HACL1: variants seen among roughly 807,000 people sequenced by gnomAD.
HACL1 encodes the protein 1600020H07Rik.
Under a neutral mutation model 74.2 loss-of-function variants are expected in HACL1, and 64 were observed. That is an observed-to-expected ratio of 0.86 (90% CI 0.70 to 1.06). The LOEUF is 1.06. Ranked by LOEUF, HACL1 falls within the 50% of genes least tolerant of loss-of-function variation. The pLI is 0.00. For synonymous variants in HACL1, 230 were observed against 238.8 expected (o/e 0.96, Z 0.34); for missense variants, 728 against 719.7 (o/e 1.01, Z -0.13).
At position 15,601,412 on chromosome 3, in the gene HACL1, T is replaced by C. The variant is rs751795931; in HGVS notation, c.52A>G (p.Lys18Glu). 6 of 1,614,078 alleles carry C rather than the reference T, an allele frequency of 3.7e-6. No homozygotes were observed. Among genetic ancestry groups the C allele is most frequent in the Admixed American group, 3.3e-5 (2 of 60,036 alleles). Residue 18 changes from lysine to glutamate, a missense_variant, in exon 1 of 17, where the codon AAA (lysine) becomes GAA (glutamate). Coordinates refer to ENST00000321169, the MANE Select transcript of HACL1 (RefSeq NM_012260.4). ...ERSEEQVSGA[K>E]VIAQALKTQD... ...GTTTTCAGGGCCTGAGCGATGACTT[T>C]AGCACCAGACACCTGCTCCTCGCTG...
At chr3:15,568,877 A>G (rs753836408) in intron 12 of HACL1, among the ~76,000 whole-genome samples, 8 of 152,252 alleles carry the variant, frequency 5.3e-5, no homozygotes, top group Non-Finnish European at 8.8e-5. Flanking sequence ...GAAGTCCTAC[A>G]GTAAAGACAG....
At chr3:15,570,510 C>CTT (rs2063508574) in intron 12 of HACL1, among the ~76,000 whole-genome samples, 3 of 151,062 alleles carry the variant, frequency 2.0e-5, no homozygotes, top group Admixed American at 6.6e-5. Flanking sequence ...CAGTAAGAAA[C>CTT]ACTGGTGGAA....
At chr3:15,580,487 G>A (rs1235869194) in intron 8 of HACL1, among the ~76,000 whole-genome samples, 4 of 152,068 alleles carry the variant, frequency 2.6e-5, no homozygotes, top group Admixed American at 6.6e-5. Flanking sequence ...AGTTTTTATC[G>A]CTGGTATTTT....
intron 9 of HACL1, 112 bp from the exon 10 acceptor site, chr3:15,575,194 T>C: frequency 1.7e-6 from 1 of 574,100 alleles, no homozygotes; most frequent in Non-Finnish European, 3.2e-6. Flanking sequence ...ACATCAGACT[T>C]CAGAATCAGC....
intron 11 of HACL1, among the ~76,000 whole-genome samples, chr3:15,572,316 C>G (rs947368112): frequency 6.6e-6 from 1 of 152,062 alleles, no homozygotes; most frequent in African/African-American, 2.4e-5. Flanking sequence ...GGGTGTCTGC[C>G]AGATGCTAAC....
chr3:15,594,773 C>T (rs1446915072), intron 3 of HACL1, among the ~76,000 whole-genome samples: 3 of 152,326 alleles, frequency 2.0e-5, no homozygotes, highest in South Asian at 2.1e-4. Context: ...TCATACGGCT[C>T]GTGGCTACTA....
At chr3:15,570,155 T>C (rs1198152555) in intron 12 of HACL1, among the ~76,000 whole-genome samples, 1 of 151,810 alleles carries the variant, frequency 6.6e-6, no homozygotes, top group African/African-American at 2.4e-5. Flanking sequence ...GCCAACATGG[T>C]GAAACTCCAT....
chr3:15,587,273 G>A (rs1406977417), intron 5 of HACL1, among the ~76,000 whole-genome samples: 2 of 138,796 alleles, frequency 1.4e-5, no homozygotes, highest in Admixed American at 7.3e-5. Context: ...ACAAAAACCA[G>A]ATACTTGGAT....
intron 8 of HACL1, among the ~76,000 whole-genome samples, chr3:15,580,630 G>C (rs531061323): frequency 5.3e-5 from 8 of 152,100 alleles, no homozygotes; most frequent in African/African-American, 1.9e-4. Context: ...CTATGCTATG[G>C]TCCTACTAAA....
At chr3:15,587,720 C>A (rs1470550165) in intron 5 of HACL1, among the ~76,000 whole-genome samples, 1 of 152,090 alleles carries the variant, frequency 6.6e-6, no homozygotes, top group South Asian at 2.1e-4. Context: ...TAACTGTTAT[C>A]GTCTACTATT....
chr3:15,586,087 G>A (rs2063789179), intron 6 of HACL1, among the ~76,000 whole-genome samples: 1 of 152,128 alleles, frequency 6.6e-6, no homozygotes, highest in South Asian at 2.1e-4. Context: ...GAAAAAATCT[G>A]CAGTCAGAAA....
Position 15,564,610 on chromosome 3 carries a change from G to C in HACL1, c.1458C>G (p.Tyr486Ter). 1 of 1,580,534 alleles carries C rather than the reference G, an allele frequency of 6.3e-7. No homozygotes were observed. Among genetic ancestry groups the C allele is most frequent in the Non-Finnish European group, 8.7e-7 (1 of 1,152,142 alleles). The change falls in exon 15 of 17, where the codon TAC becomes TAG. Residue 486 changes from tyrosine (Y) to a stop codon, truncating the protein, a stop_gained. Transcript: ENST00000321169. LOFTEE classifies it high-confidence loss of function. ...ILLVVNNNGI[Y>*]QGFDTDTWKE... ...TCCAAGTATCTGTATCAAAACCTTGGTAAATTCCATTGTTATTCACTACCA... is the reference window on the plus strand; with the variant it reads ...TCCAAGTATCTGTATCAAAACCTTGCTAAATTCCATTGTTATTCACTACCA...
At chr3:15,590,753 T>C (rs2063876686) in intron 4 of HACL1, among the ~76,000 whole-genome samples, 1 of 152,206 alleles carries the variant, frequency 6.6e-6, no homozygotes, top group Admixed American at 6.5e-5. Flanking sequence ...CGTTCACACA[T>C]ACACACACAT....
rs779351440 is a variant in HACL1, at chr3:15,574,981, A to T, written c.905T>A (p.Ile302Asn). 3.4e-6 allele frequency: 5 copies of T among 1,463,002 alleles called. No homozygotes were observed. The African/African-American group carries it at 4.1e-5, about 12-fold the overall frequency. The allele number at this position is 1,463,002 out of a possible 1,614,324, so 90.6% of individuals were successfully genotyped here. ...AAGTTCCTCCTCTCTAAGTACCTGG[A>T]TAAACTTCACATCTGGCTGATATCT... The part of the protein sequence containing the change: ...PPRYQPDVKF[I>N]QVDICAEELG... Residue 302 changes from isoleucine to asparagine, a missense_variant, in exon 10 of 17, where the codon ATC becomes AAC. Transcript: ENST00000321169.
intron 3 of HACL1, among the ~76,000 whole-genome samples, chr3:15,595,751 C>T (rs1008902774): frequency 1.3e-5 from 2 of 151,844 alleles, no homozygotes; most frequent in Non-Finnish European, 2.9e-5. Context: ...GCTGGGATTA[C>T]AGACGCATGC....
At chr3:15,586,666 A>G in intron 5 of HACL1, 64 bp from the exon 6 acceptor site, 1 of 903,474 alleles carries the variant, frequency 1.1e-6, no homozygotes, top group East Asian at 2.4e-5. Context: ...CTGAAAGAAG[A>G]CAAAATGTTA....
At chr3:15,592,510 A>G (rs2063953101) in intron 3 of HACL1, among the ~76,000 whole-genome samples, 1 of 150,290 alleles carries the variant, frequency 6.7e-6, no homozygotes, top group African/African-American at 2.5e-5. Context: ...ACTTGTATAT[A>G]CACTTGTATA....
At chr3:15,585,632 T>G (rs1042962804) in intron 6 of HACL1, among the ~76,000 whole-genome samples, 2 of 152,212 alleles carry the variant, frequency 1.3e-5, no homozygotes, top group Admixed American at 1.3e-4. Context: ...TGCCAAGTTT[T>G]TGCACTGTAA....
intron 3 of HACL1, chr3:15,595,963 G>A (rs889246167): frequency 6.5e-6 from 1 of 153,112 alleles, no homozygotes; most frequent in Non-Finnish European, 1.5e-5. Context: ...TTCCAAAATG[G>A]ACATTTTAAA....
Sources: gnomAD v4.1 joint callset for allele counts (sites outside exome capture counted in the v4.1 genomes callset) on GRCh38, gnomAD v4.1.1 for gene constraint, MANE v1.5 for transcripts, NCBI Gene and HGNC (gene_info 2026-07-23, HGNC 2026-07-21) for gene names.